Variants in TNIK observed in about 807,000 individuals in gnomAD.
TNIK encodes TRAF2 and NCK-interacting protein kinase.
Under a neutral mutation model 191.3 loss-of-function variants are expected in TNIK, and 49 were observed. The observed-to-expected ratio is 0.26, with a 90% confidence interval of 0.20 to 0.32. TNIK has a LOEUF of 0.32. TNIK is among the 10% of genes least tolerant of loss of function. TNIK has a pLI of 1.00. For missense variants in TNIK, 1,155 were observed against 1,702.3 expected (o/e 0.68, Z 5.66); for synonymous variants, 594 against 600.9 (o/e 0.99, Z 0.17).
chr3:171,119,703 AAAC>A (rs1381457193), intron 18 of TNIK, among the ~76,000 whole-genome samples: 2 of 152,146 alleles, frequency 1.3e-5, no homozygotes, highest in African/African-American at 4.8e-5. Flanking sequence ...GGACAAAAAA[AAAC>A]AAACACTGCA....
At chr3:171,192,300 T>TC (rs370940303) in intron 5 of TNIK, among the ~76,000 whole-genome samples, 6 of 152,288 alleles carry the variant, frequency 3.9e-5, no homozygotes, top group African/African-American at 1.4e-4. Flanking sequence ...AAGATCCCTT[T>TC]CCCTCTTTCA....
intron 2 of TNIK, among the ~76,000 whole-genome samples, chr3:171,359,358 ACT>A (rs907859056): frequency 2.0e-5 from 3 of 152,114 alleles, no homozygotes; most frequent in African/African-American, 7.2e-5. Flanking sequence ...GGAGTTCCTA[ACT>A]CTTCCCTGCT....
chr3:171,295,117 A>C (rs1198472270), intron 2 of TNIK, among the ~76,000 whole-genome samples: 2 of 152,158 alleles, frequency 1.3e-5, no homozygotes, highest in African/African-American at 4.8e-5. Flanking sequence ...TTACTGGATA[A>C]AACTGAGTCT....
chr3:171,143,950 A>T (rs1420425864), intron 12 of TNIK, among the ~76,000 whole-genome samples: 1 of 152,246 alleles, frequency 6.6e-6, no homozygotes, highest in African/African-American at 2.4e-5. Context: ...CCTGTTTGCC[A>T]TCTTAGAGAA....
At chr3:171,439,497 C>T (rs1359726763) in intron 1 of TNIK, 4 of 151,130 alleles carry the variant, frequency 2.6e-5, no homozygotes, top group South Asian at 2.1e-4. Flanking sequence ...ATTAATAAGA[C>T]TAGACTTTTA....
At chr3:171,229,941 T>TG (rs1243005982) in intron 2 of TNIK, among the ~76,000 whole-genome samples, 1 of 152,136 alleles carries the variant, frequency 6.6e-6, no homozygotes, top group Non-Finnish European at 1.5e-5. Flanking sequence ...GCCCAGTTCT[T>TG]GTCCAGGCTC....
rs1166981139 is a variant in TNIK, at chr3:171,253,596, C to CG, written c.124-25376_124-25375insC. On this transcript the variant is annotated intron_variant, in intron 2 of 32. Transcript: ENST00000436636. ...AAGAAATCAGAAGACAGGTCCCCCC[C>CG]CCACCCCACCCCCAGTTATCTCAAA... is the stretch of plus-strand genomic sequence containing the variant. Among the ~76,000 whole-genome samples the CG allele has an allele frequency of 2.2e-5, 3 of 138,124 alleles. No individual in the cohort carries two copies. In the South Asian group the frequency reaches 8.5e-4, roughly 39 times the overall value. The allele number at this position is 138,124 out of a possible 152,430, so 90.6% of individuals were successfully genotyped here. A position where few individuals can be genotyped will look rare whatever the true frequency, so the allele number is the denominator to read the frequency against.
chr3:171,360,749 C>T (rs1029894470), intron 2 of TNIK, among the ~76,000 whole-genome samples: 1 of 152,226 alleles, frequency 6.6e-6, no homozygotes. Context: ...CTTCCACATA[C>T]ATCTATTCAT....
chr3:171,097,116 G>A (rs1225483878), intron 22 of TNIK, among the ~76,000 whole-genome samples: 2 of 152,126 alleles, frequency 1.3e-5, no homozygotes, highest in African/African-American at 2.4e-5. Context: ...TAAACTTAAT[G>A]TATATAAATT....
At chr3:171,378,791 A>G (rs1401089094) in intron 1 of TNIK, among the ~76,000 whole-genome samples, 2 of 152,230 alleles carry the variant, frequency 1.3e-5, no homozygotes, top group Non-Finnish European at 2.9e-5. Flanking sequence ...GACAGGCTCT[A>G]TATACTTATG....
At chr3:171,274,227 T>C (rs529515523) in intron 2 of TNIK, among the ~76,000 whole-genome samples, 170 of 152,358 alleles carry the variant, frequency 1.1e-3, no homozygotes, top group South Asian at 3.5e-3. Flanking sequence ...TCCAATTTTC[T>C]GTAATTCTCA....
chr3:171,226,907 G>A (rs1743028745), intron 3 of TNIK, among the ~76,000 whole-genome samples: 1 of 152,046 alleles, frequency 6.6e-6, no homozygotes, highest in Admixed American at 6.6e-5. Context: ...ATGGGTTGAA[G>A]TTTGACATAC....
At chr3:171,078,562 C>G (rs1052770601) in intron 28 of TNIK, among the ~76,000 whole-genome samples, 3 of 151,796 alleles carry the variant, frequency 2.0e-5, no homozygotes, top group Non-Finnish European at 2.9e-5. Context: ...TTTCTTGCTT[C>G]CTTCCTTTCT....
At chr3:171,262,729 C>T (rs1214510244) in intron 2 of TNIK, among the ~76,000 whole-genome samples, 1 of 152,224 alleles carries the variant, frequency 6.6e-6, no homozygotes, top group Non-Finnish European at 1.5e-5. Flanking sequence ...AAATTCTTCC[C>T]TTCTTCCTTG....
At position 171,138,178 on chromosome 3, in the gene TNIK, C is replaced by T; in HGVS notation, c.1608+13G>A. ...GCCTGGCCAACAGGGTGAGGCTACC[C>T]TTGCTTACTTACCTCCTTGGCCCAT... On this transcript the variant is annotated intron_variant, in intron 15 of 32. Transcript: ENST00000436636. 5 of 1,572,924 alleles carry T rather than the reference C, an allele frequency of 3.2e-6. No homozygotes were observed. Among genetic ancestry groups the T allele is most frequent in the Non-Finnish European group, 4.3e-6 (5 of 1,162,966 alleles).
intron 32 of TNIK, among the ~76,000 whole-genome samples, chr3:171,064,756 A>G (rs959986764): frequency 2.6e-5 from 4 of 152,216 alleles, no homozygotes; most frequent in Non-Finnish European, 4.4e-5. Context: ...ATTTTGGGCT[A>G]TGGCCTAGCC....
intron 1 of TNIK, among the ~76,000 whole-genome samples, chr3:171,414,253 A>G (rs1426528436): frequency 6.6e-6 from 1 of 152,212 alleles, no homozygotes; most frequent in East Asian, 1.9e-4. Flanking sequence ...TTTAAATGGG[A>G]ATGAAAAGTG....
chr3:171,087,547 A>G (rs45521834), intron 23 of TNIK, 41 bp from the exon 24 acceptor site: 141,642 of 1,589,214 alleles, frequency 0.089, 6,826 homozygotes, highest in African/African-American at 0.14. Flanking sequence ...GAGAGGGGGG[A>G]AAAAGGCCAC....
chr3:171,309,430 T>C (rs1369637492), intron 2 of TNIK, among the ~76,000 whole-genome samples: 1 of 151,926 alleles, frequency 6.6e-6, no homozygotes, highest in East Asian at 1.9e-4. Context: ...AGGGTGAGGA[T>C]CAAACAACTA....
Sources: allele counts gnomAD v4.1 joint callset (sites outside exome capture counted in the v4.1 genomes callset), GRCh38; gene constraint gnomAD v4.1.1; transcripts MANE v1.5; gene names NCBI Gene and HGNC (gene_info 2026-07-23, HGNC 2026-07-21).